The following CPM variants were observed in gnomAD, a reference collection of about 807,000 sequenced individuals.
CPM encodes carboxypeptidase M.
Under a neutral mutation model 46.4 loss-of-function variants are expected in CPM, and 35 were observed. The observed-to-expected ratio is 0.75, with a 90% CI of 0.58 to 1.00. CPM has a LOEUF of 1.00. Among genes scored for constraint, CPM ranks in the 50% least tolerant of loss-of-function variants. The pLI, the probability that CPM is intolerant of heterozygous loss-of-function variation, is 0.00. For synonymous variants in CPM, 195 were observed against 195.3 expected (o/e 1.00, Z 0.01); for missense variants, 422 against 530.4 (o/e 0.80, Z 2.01).
intron 3 of CPM, among the ~76,000 whole-genome samples, chr12:68,875,931 C>T (rs1885934357): frequency 6.6e-6 from 1 of 151,894 alleles, no homozygotes; most frequent in African/African-American, 2.4e-5. Context: ...AATAAAATTT[C>T]ATACAATATA....
chr12:68,894,455 G>A (rs1445013047), intron 2 of CPM, among the ~76,000 whole-genome samples: 1 of 152,056 alleles, frequency 6.6e-6, no homozygotes, highest in Non-Finnish European at 1.5e-5. Context: ...CCCTCCACCC[G>A]AATTTCCCAC....
At chr12:68,902,562 T>C (rs1382266850) in intron 2 of CPM, among the ~76,000 whole-genome samples, 1 of 152,162 alleles carries the variant, frequency 6.6e-6, no homozygotes, top group Non-Finnish European at 1.5e-5. Context: ...GTGGCATATT[T>C]AAGTGATGTC....
intron 4 of CPM, among the ~76,000 whole-genome samples, chr12:68,871,184 T>C (rs1259025247): frequency 6.6e-6 from 1 of 152,246 alleles, no homozygotes; most frequent in Non-Finnish European, 1.5e-5. Flanking sequence ...GGTTAGTTCT[T>C]GGACTACTGG....
chr12:68,960,699 CA>C (rs1240902851), intron 1 of CPM, among the ~76,000 whole-genome samples: 1 of 152,032 alleles, frequency 6.6e-6, no homozygotes, highest in African/African-American at 2.4e-5. Context: ...TTAAAAATGT[CA>C]AGATGATAAC....
At chr12:68,951,959 G>A (rs1888942191) in intron 1 of CPM, among the ~76,000 whole-genome samples, 1 of 152,188 alleles carries the variant, frequency 6.6e-6, no homozygotes, top group South Asian at 2.1e-4. Context: ...CCATGTGAGG[G>A]GAGGGAGGAA....
intron 2 of CPM, among the ~76,000 whole-genome samples, chr12:68,893,370 T>C (rs1185724582): frequency 6.6e-6 from 1 of 152,142 alleles, no homozygotes; most frequent in Non-Finnish European, 1.5e-5. Flanking sequence ...CCTGTACAGA[T>C]GTGATGCCCT....
chr12:68,870,107 G>T, intron 5 of CPM, 108 bp downstream of exon 5: 1 of 1,133,786 alleles, frequency 8.8e-7, no homozygotes. Flanking sequence ...TTTTCACCCT[G>T]CCAGAGAAGT....
At chr12:68,962,079 A>G (rs528284948) in intron 1 of CPM, among the ~76,000 whole-genome samples, 2 of 152,008 alleles carry the variant, frequency 1.3e-5, no homozygotes, top group Middle Eastern at 3.4e-3. Flanking sequence ...GGGCGCCTGT[A>G]GTCTCAGCTA....
intron 2 of CPM, among the ~76,000 whole-genome samples, chr12:68,918,585 G>A (rs901660209): frequency 1.3e-5 from 2 of 151,530 alleles, no homozygotes; most frequent in Middle Eastern, 3.4e-3. Flanking sequence ...CTGCTCACAC[G>A]CCTTCCTCCT....
In CPM at chr12:68,909,951, A is replaced by G. The variant is rs559128080; in HGVS notation, c.160+22727T>C. Among the ~76,000 whole-genome samples the G allele has an allele frequency of 2.4e-4, 36 of 152,124 alleles. No homozygotes were observed. The East Asian group carries it at 3.3e-3, about 14-fold the overall frequency. On this transcript the variant is annotated intron_variant, in intron 2 of 8. Transcript: ENST00000551568. ...GTATACCTATGTAACAAACCTGCAC[A>G]TTCTGCACATGTAACCCAGAACTTA...
At chr12:68,873,682 A>G (rs566727003) in intron 3 of CPM, among the ~76,000 whole-genome samples, 61 of 151,812 alleles carry the variant, frequency 4.0e-4, no homozygotes, top group Admixed American at 1.2e-3. Flanking sequence ...AAAAAAAAAA[A>G]AAAGAAAGAA....
At chr12:68,920,397 A>G (rs937803022) in intron 2 of CPM, among the ~76,000 whole-genome samples, 28 of 152,164 alleles carry the variant, frequency 1.8e-4, no homozygotes, top group Admixed American at 1.3e-4. Context: ...TTTTCATAAG[A>G]GTGACTATCC....
At chr12:68,887,462 A>G (rs1359197089) in intron 2 of CPM, among the ~76,000 whole-genome samples, 1 of 152,212 alleles carries the variant, frequency 6.6e-6, no homozygotes, top group African/African-American at 2.4e-5. Context: ...TTCAACATTT[A>G]TTCATAATTT....
chr12:68,879,535 T>A (rs1355578507), intron 3 of CPM, among the ~76,000 whole-genome samples: 4 of 152,218 alleles, frequency 2.6e-5, no homozygotes, highest in East Asian at 1.9e-4. Context: ...AGCTAATTTT[T>A]AAATTTTTTT....
At chr12:68,941,596 C>T (rs1015454912) in intron 1 of CPM, among the ~76,000 whole-genome samples, 15 of 152,124 alleles carry the variant, frequency 9.9e-5, no homozygotes, top group Admixed American at 7.2e-4. Flanking sequence ...AGGCTGGTCT[C>T]GAACTTCTGG....
In CPM at chr12:68,859,112, T is replaced by A. The variant is rs199695490; in HGVS notation, c.941-41A>T. On this transcript the variant is annotated intron_variant, in intron 7 of 8. Transcript: ENST00000551568. The stretch of plus-strand genomic sequence containing the variant: ...AAAATTAAATATTAATACCATATTT[T>A]ATGGCATATAAAAATTATTATAAAT... 1.4e-5 allele frequency: 16 copies of A among 1,129,526 alleles called. No individual in the cohort carries two copies. The African/African-American group carries it at 2.0e-4, about 14-fold the overall frequency. 70.0% of individuals were successfully genotyped at this position (1,129,526 alleles called of 1,614,324 possible).
chr12:68,871,140 A>C (rs1261017725), intron 4 of CPM, among the ~76,000 whole-genome samples: 2 of 152,198 alleles, frequency 1.3e-5, no homozygotes, highest in Non-Finnish European at 2.9e-5. Flanking sequence ...AAACTGTTTA[A>C]ATCAGAGCTC....
Position 68,851,788 on chromosome 12 carries a change from T to G in CPM, c.*4649A>C, listed in dbSNP as rs970164970. ...GTAAAGTCTATAACAAACCCAAACTTCTACTTTAGCTACAGTACTGTGGAC... is the reference window on the plus strand; with the variant it reads ...GTAAAGTCTATAACAAACCCAAACTGCTACTTTAGCTACAGTACTGTGGAC... On this transcript the variant is annotated 3_prime_UTR_variant, in exon 9 of 9. Coordinates refer to ENST00000551568, the MANE Select transcript of CPM (RefSeq NM_198320.5). 1 of 152,176 alleles carries G rather than the reference T, an allele frequency of 6.6e-6. No individual in the cohort carries two copies. The highest frequency in any genetic ancestry group is 1.5e-5 in the Non-Finnish European group (1 of 68,038). 9.4% of individuals were successfully genotyped at this position (152,176 alleles called of 1,614,324 possible). A position where few individuals can be genotyped will look rare whatever the true frequency, so the allele number is the denominator to read the frequency against.
At chr12:68,881,401 AACATATCC>A (rs1886183824) in intron 3 of CPM, among the ~76,000 whole-genome samples, 1 of 152,236 alleles carries the variant, frequency 6.6e-6, no homozygotes, top group South Asian at 2.1e-4. Context: ...CAAGAGATCC[AACATATCC>A]ACTAAATGCG....
Sources: allele counts gnomAD v4.1 joint callset (sites outside exome capture counted in the v4.1 genomes callset), GRCh38; gene constraint gnomAD v4.1.1; transcripts MANE v1.5; gene names NCBI Gene and HGNC (gene_info 2026-07-23, HGNC 2026-07-21).